The following CPLX2 variants were observed in gnomAD, a reference collection of about 807,000 sequenced individuals.
CPLX2 encodes the protein complexin-2.
Under a neutral mutation model 16.3 loss-of-function variants are expected in CPLX2, and 5 were observed. The ratio of observed to expected loss-of-function variants is 0.31; its 90% confidence interval spans 0.16 to 0.64. The LOEUF (loss-of-function observed/expected upper bound fraction) is 0.64. Ranked by LOEUF, CPLX2 falls within the 30% of genes least tolerant of loss-of-function variation. CPLX2 has a pLI of 0.79. For synonymous variants in CPLX2, 89 were observed against 73.2 expected (o/e 1.22, Z -1.10); for missense variants, 144 against 181.4 (o/e 0.79, Z 1.18).
chr5:175,874,077 G>A (rs150808832), intron 1 of CPLX2, among the ~76,000 whole-genome samples: 60 of 152,316 alleles, frequency 3.9e-4, no homozygotes, highest in African/African-American at 1.3e-3. Flanking sequence ...ACAAGGACTC[G>A]TATCAGTTTA....
chr5:175,876,027 T>C (rs1486944128), intron 1 of CPLX2, among the ~76,000 whole-genome samples: 3 of 152,030 alleles, frequency 2.0e-5, no homozygotes, highest in Non-Finnish European at 1.5e-5. Flanking sequence ...AGAAATGGCA[T>C]GTTAAGTTTG....
intron 2 of CPLX2, among the ~76,000 whole-genome samples, chr5:175,843,642 G>A (rs893608180): frequency 1.2e-4 from 18 of 152,356 alleles, no homozygotes; most frequent in Admixed American, 2.0e-4. Context: ...GCCTTGGGTC[G>A]GGGAGGCCAC....
intron 2 of CPLX2, among the ~76,000 whole-genome samples, chr5:175,841,827 G>A (rs1021165041): frequency 3.9e-5 from 6 of 152,208 alleles, no homozygotes; most frequent in Non-Finnish European, 8.8e-5. Context: ...TTTTCTATAA[G>A]CCTCAAATTT....
intron 2 of CPLX2, among the ~76,000 whole-genome samples, chr5:175,836,057 C>A (rs1454376531): frequency 6.6e-6 from 1 of 152,094 alleles, no homozygotes; most frequent in African/African-American, 2.4e-5. Flanking sequence ...CTTTTAAAAT[C>A]TCAACTGACT....
chr5:175,797,406 A>G lies in CPLX2; in HGVS notation c.-169+622A>G, dbSNP rs182335367. Among the ~76,000 whole-genome samples, 1,364 of 152,140 alleles carry G rather than the reference A, an allele frequency of 9.0e-3. 14 individuals carry two copies. Among genetic ancestry groups the G allele is most frequent in the African/African-American group, 0.032 (1,316 of 41,536 alleles). On this transcript the variant is annotated intron_variant, in intron 1 of 4. Coordinates refer to the CPLX2 transcript ENST00000359546. ...AAGAGTGGGCAAGAGGTAGAGGGGA[A>G]ACAGGCACAGAACGGTCCCGGCTCC...
At chr5:175,826,473 A>C (rs1035169452) in intron 2 of CPLX2, among the ~76,000 whole-genome samples, 8 of 152,188 alleles carry the variant, frequency 5.3e-5, no homozygotes, top group Non-Finnish European at 1.2e-4. Context: ...GCTAGTGTTT[A>C]AGAAAGATCT....
rs1759032991 is a variant in CPLX2, at chr5:175,845,805, G to C, written c.-88-32847G>C. Among the ~76,000 whole-genome samples the C allele has an allele frequency of 6.6e-6, 1 of 152,106 alleles. No individual in the cohort carries two copies. Among genetic ancestry groups the C allele is most frequent in the Admixed American group, 6.5e-5 (1 of 15,280 alleles). The stretch of plus-strand genomic sequence containing the variant: ...ATAACAGAGGCAGAACTTACACCCA[G>C]GCCTTTGGGCTGCTAAGGGCAAAGT... On this transcript the variant is annotated intron_variant, in intron 2 of 4. Transcript: ENST00000359546. The surrounding 1 kb of genome is among the most constrained non-coding windows in gnomAD (Gnocchi z 4.0).
chr5:175,863,035 A>G (rs955535006), intron 2 of CPLX2, among the ~76,000 whole-genome samples: 2 of 152,250 alleles, frequency 1.3e-5, no homozygotes, highest in African/African-American at 2.4e-5. Flanking sequence ...AAAGTAAAGA[A>G]GAAGGTAAGA....
chr5:175,876,127 G>C (rs1042794187), intron 1 of CPLX2, among the ~76,000 whole-genome samples: 1 of 152,152 alleles, frequency 6.6e-6, no homozygotes, highest in African/African-American at 2.4e-5. Flanking sequence ...CTACGCATGT[G>C]TGCATATACC....
At chr5:175,818,863 G>A (rs1376960252) in intron 2 of CPLX2, among the ~76,000 whole-genome samples, 1 of 151,868 alleles carries the variant, frequency 6.6e-6, no homozygotes, top group Non-Finnish European at 1.5e-5. Flanking sequence ...GTTTCACCAT[G>A]TTGGTTGGCC....
rs540346599 is a variant in CPLX2, at chr5:175,847,896, G to A, written c.-88-30756G>A. On this transcript the variant is annotated intron_variant, in intron 2 of 4. Coordinates refer to the CPLX2 transcript ENST00000359546. ...CCGTGAGGTTCAAGCTTTCTCAGCT[G>A]CCGGCGAGTTTTATGGCCTCTGATG... Among the ~76,000 whole-genome samples, 4 of 152,326 alleles carry A rather than the reference G, an allele frequency of 2.6e-5. No individual in the cohort carries two copies. The East Asian group carries it at 5.8e-4, about 22-fold the overall frequency.
chr5:175,823,625 T>C (rs1166767430), intron 2 of CPLX2, among the ~76,000 whole-genome samples: 1 of 152,128 alleles, frequency 6.6e-6, no homozygotes, highest in Non-Finnish European at 1.5e-5. Flanking sequence ...GAGCTATTAA[T>C]ACAGAGACTA....
chr5:175,875,654 G>A (rs556780257), intron 1 of CPLX2, among the ~76,000 whole-genome samples: 17 of 152,206 alleles, frequency 1.1e-4, no homozygotes, highest in African/African-American at 2.6e-4. Flanking sequence ...TTATACTTTC[G>A]CCCGTGAAGT....
chr5:175,856,872 G>T (rs1759267958), intron 2 of CPLX2, among the ~76,000 whole-genome samples: 1 of 152,160 alleles, frequency 6.6e-6, no homozygotes, highest in Admixed American at 6.5e-5. Flanking sequence ...CAGGGACTGT[G>T]GGCCTCAGCT....
At chr5:175,838,431 CTAAT>C (rs1758877390) in intron 2 of CPLX2, among the ~76,000 whole-genome samples, 2 of 152,102 alleles carry the variant, frequency 1.3e-5, no homozygotes, top group African/African-American at 2.4e-5. Flanking sequence ...CCAAGCCCGG[CTAAT>C]TTTTTTGTAT....
intron 2 of CPLX2, among the ~76,000 whole-genome samples, chr5:175,819,118 G>C (rs1170145415): frequency 6.6e-6 from 1 of 152,100 alleles, no homozygotes; most frequent in Non-Finnish European, 1.5e-5. Flanking sequence ...TCTCATCGTG[G>C]GACTAGACCA....
At chr5:175,826,348 G>GGTAGGGC (rs1758614398) in intron 2 of CPLX2, among the ~76,000 whole-genome samples, 1 of 152,154 alleles carries the variant, frequency 6.6e-6, no homozygotes, top group African/African-American at 2.4e-5. Flanking sequence ...ATGGACAAAA[G>GGTAGGGC]GTAGGGCAGG....
In CPLX2 at chr5:175,878,973, AAGG is replaced by A. The variant is rs1755488879; in HGVS notation, c.106_108del (p.Glu36del). On this transcript the variant is annotated inframe_deletion, in exon 3 of 4. Coordinates refer to ENST00000393745, the MANE Select transcript of CPLX2 (RefSeq NM_001008220.2). ...GGAGAAGGACCCCGACGCGCAGAAA[AAGG>A]AGGAGGAGCGGCAGGAGGCGCTGCG... 2.5e-6 allele frequency: 4 copies of A among 1,608,928 alleles called. No individual in the cohort carries two copies. The highest frequency in any genetic ancestry group is 2.5e-6 in the Non-Finnish European group (3 of 1,177,790).
At chr5:175,871,049 G>C (rs1352445722), upstream of CPLX2, among the ~76,000 whole-genome samples, 1 of 152,036 alleles carries the variant, frequency 6.6e-6, no homozygotes, top group Non-Finnish European at 1.5e-5. Context: ...GCTGAGGCAA[G>C]GGCTTGTCTG....
Sources: allele counts gnomAD v4.1 joint callset (sites outside exome capture counted in the v4.1 genomes callset), GRCh38; gene constraint gnomAD v4.1.1; non-coding constraint Gnocchi (gnomAD v3.1); transcripts MANE v1.5; gene names NCBI Gene and HGNC (gene_info 2026-07-23, HGNC 2026-07-21).